The following HMCN1 variants were observed in gnomAD, a reference collection of about 807,000 sequenced individuals.
HMCN1 encodes hemicentin 1.
HMCN1 carries 321 observed loss-of-function variants against 625.9 expected under a neutral mutation model. That is an observed-to-expected ratio of 0.51 (90% confidence interval 0.47 to 0.56). HMCN1 has a LOEUF of 0.56. HMCN1 is among the 20% of genes least tolerant of loss of function. The probability of loss-of-function intolerance (pLI) is 0.00; values close to 1 mark genes in which losing one functional copy is unlikely to be tolerated. For missense variants in HMCN1, 6,588 were observed against 6,887.3 expected (o/e 0.96, Z 1.54); for synonymous variants, 2,425 against 2,417.6 (o/e 1.00, Z -0.09).
chr1:186,013,399 T>A (rs1654126309), intron 30 of HMCN1, among the ~76,000 whole-genome samples: 1 of 152,300 alleles, frequency 6.6e-6, no homozygotes, highest in South Asian at 2.1e-4. Context: ...GAGATAAAAA[T>A]GATTCTATCG....
At chr1:186,130,169 A>C (rs1443173639) in intron 84 of HMCN1, 69 bp downstream of exon 84, 2 of 1,592,972 alleles carry the variant, frequency 1.3e-6, no homozygotes, top group Non-Finnish European at 1.7e-6. Flanking sequence ...TTGCTTCTTT[A>C]TTTTATGGTA....
intron 36 of HMCN1, among the ~76,000 whole-genome samples, chr1:186,029,014 G>A (rs1655243836): frequency 6.6e-6 from 1 of 151,954 alleles, no homozygotes; most frequent in African/African-American, 2.4e-5. Context: ...TTACAGGGGC[G>A]AGCCACTGTG....
chr1:186,168,903 T>TC (rs1023445725), intron 100 of HMCN1, among the ~76,000 whole-genome samples: 3 of 152,086 alleles, frequency 2.0e-5, no homozygotes, highest in African/African-American at 7.2e-5. Flanking sequence ...CCTAATGCTA[T>TC]CCCTCCCCTA....
At chr1:185,917,844 C>T (rs978092988) in intron 6 of HMCN1, among the ~76,000 whole-genome samples, 7 of 152,094 alleles carry the variant, frequency 4.6e-5, no homozygotes, top group Non-Finnish European at 8.8e-5. Context: ...AGTAATTTTC[C>T]GCTGGAGCTC....
intron 10 of HMCN1, among the ~76,000 whole-genome samples, chr1:185,931,344 C>G (rs750237871): frequency 2.6e-5 from 4 of 152,148 alleles, no homozygotes; most frequent in Admixed American, 6.6e-5. Flanking sequence ...TTCTGATAAT[C>G]TGTAATCTTG....
intron 85 of HMCN1, 107 bp from the exon 86 acceptor site, chr1:186,132,221 T>G: frequency 1.3e-6 from 1 of 786,472 alleles, no homozygotes; most frequent in Non-Finnish European, 2.2e-6. Context: ...TCCATTAAAA[T>G]TCCTTCTCAA....
Position 185,989,613 on chromosome 1 carries a change from C to G in HMCN1, c.3174C>G (p.Gly1058=), listed in dbSNP as rs1274979332. Residue 1058 remains glycine (G), a synonymous_variant, in exon 21 of 107, where the codon GGC becomes GGG. Coordinates refer to ENST00000271588, the MANE Select transcript of HMCN1 (RefSeq NM_031935.3). ...EYVCTATNTA[G]YAKRKVQLTV... is the part of the protein sequence containing the mutation. Reference sequence around the variant, plus strand: ...TCTGCACTGCCACCAATACAGCCGGCTACGCCAAAAGGAAAGTGCAGCTAA... The same window carrying G: ...TCTGCACTGCCACCAATACAGCCGGGTACGCCAAAAGGAAAGTGCAGCTAA... 2 of 1,613,860 alleles carry G rather than the reference C, an allele frequency of 1.2e-6. No individual in the cohort carries two copies. The highest frequency in any genetic ancestry group is 2.7e-5 in the African/African-American group (2 of 74,906).
chr1:185,875,642 T>C (rs977070022), intron 4 of HMCN1, among the ~76,000 whole-genome samples: 1 of 152,036 alleles, frequency 6.6e-6, no homozygotes, highest in African/African-American at 2.4e-5. Flanking sequence ...CCTCTTGCCC[T>C]GAGCATCTGT....
At chr1:186,059,954 C>A (rs10911809) in intron 46 of HMCN1, among the ~76,000 whole-genome samples, 8,516 of 152,058 alleles carry the variant, frequency 0.056, 834 homozygotes, top group African/African-American at 0.19. Context: ...TGCTTTAATA[C>A]CTCTCAACTG....
At position 186,065,479 on chromosome 1, in the gene HMCN1, G is replaced by A. The variant is rs756757696; in HGVS notation, c.7705+50G>A. The A allele has an allele frequency of 2.9e-6, 4 of 1,386,832 alleles. No homozygotes were observed. In the African/African-American group the frequency reaches 4.4e-5, roughly 15 times the overall value. The allele number at this position is 1,386,832 out of a possible 1,614,324, so 85.9% of individuals were successfully genotyped here. On this transcript the variant is annotated intron_variant, in intron 49 of 106. Transcript: ENST00000271588. Reference sequence around the variant, plus strand: ...CTTAAAGAATCTGACATGACTGTAGGCTAAATTTTCTTTTCTTTTTCTGTT... The same window carrying A: ...CTTAAAGAATCTGACATGACTGTAGACTAAATTTTCTTTTCTTTTTCTGTT...
chr1:185,792,813 C>T lies in HMCN1; in HGVS notation c.269-53213C>T, dbSNP rs543632113. On this transcript the variant is annotated intron_variant, in intron 1 of 106. Coordinates refer to ENST00000271588, the MANE Select transcript of HMCN1 (RefSeq NM_031935.3). ...CATCTACCAATTACTGGTAGGTCTA[C>T]GATCACCCCCATGTGTTACAGCAAA... Among the ~76,000 whole-genome samples, 9 of 152,188 alleles carry T rather than the reference C, an allele frequency of 5.9e-5. No individual in the cohort carries two copies. The East Asian group carries it at 9.7e-4, about 16-fold the overall frequency.
intron 22 of HMCN1, 93 bp from the exon 23 acceptor site, chr1:185,993,089 T>C (rs370241885): frequency 2.4e-6 from 3 of 1,256,824 alleles, no homozygotes; most frequent in East Asian, 2.3e-5. Flanking sequence ...AAAAACTACT[T>C]GCAGAGTAGT....
chr1:185,897,788 TTC>T (rs1335156584), intron 4 of HMCN1, among the ~76,000 whole-genome samples: 2 of 152,158 alleles, frequency 1.3e-5, no homozygotes, highest in Admixed American at 1.3e-4. Context: ...CCAAAGGATG[TTC>T]TCTCTCCTAT....
At position 186,130,102 on chromosome 1, in the gene HMCN1, T is replaced by G. The variant is rs200047924; in HGVS notation, c.13039+2T>G. ...CAATTGGATTTGTTTATGTGAAAGGTAGGGAAAAGCGCTCCATTTTTAATT... is the reference window on the plus strand; with the variant it reads ...CAATTGGATTTGTTTATGTGAAAGGGAGGGAAAAGCGCTCCATTTTTAATT... On this transcript the variant is annotated splice_donor_variant, in intron 84 of 106. Transcript: ENST00000271588. LOFTEE classifies it high-confidence loss of function. 2.4e-5 allele frequency: 38 copies of G among 1,612,922 alleles called. No individual in the cohort carries two copies. The highest frequency in any genetic ancestry group is 3.1e-5 in the Non-Finnish European group (37 of 1,179,262).
intron 61 of HMCN1, 56 bp downstream of exon 61, chr1:186,088,069 G>A (rs1643918874): frequency 1.1e-5 from 17 of 1,610,806 alleles, no homozygotes; most frequent in Non-Finnish European, 1.4e-5. Flanking sequence ...AATGAAAAAA[G>A]TGTTCCAAAT....
intron 1 of HMCN1, among the ~76,000 whole-genome samples, chr1:185,763,127 G>A (rs1655621230): frequency 1.3e-5 from 2 of 152,162 alleles, no homozygotes; most frequent in Non-Finnish European, 2.9e-5. Context: ...AATTGATCAT[G>A]CCTGGAGAGA....
intron 1 of HMCN1, among the ~76,000 whole-genome samples, chr1:185,831,655 T>C (rs1352369147): frequency 6.6e-6 from 1 of 151,780 alleles, no homozygotes; most frequent in Non-Finnish European, 1.5e-5. Context: ...TTCAGTAGAG[T>C]AGTGAATGAA....
chr1:185,869,986 A>C (rs1471047461), intron 4 of HMCN1, among the ~76,000 whole-genome samples: 1 of 149,754 alleles, frequency 6.7e-6, no homozygotes, highest in Admixed American at 6.7e-5. Context: ...ATATAAACTC[A>C]CTCTTGAGTT....
rs568440578 is a variant in HMCN1 at position 185,785,143 on chromosome 1, T to A, written c.268+50096T>A. Among the ~76,000 whole-genome samples, 10 of 152,336 alleles carry A rather than the reference T, an allele frequency of 6.6e-5. No homozygotes were observed. In the East Asian group the frequency reaches 1.9e-3, roughly 29 times the overall value. ...ATGGACATTCTTGTACAAATCTTTT[T>A]GGGGGTGTGTTTTCATTTCTCTTGG... On this transcript the variant is annotated intron_variant, in intron 1 of 106. Coordinates refer to ENST00000271588, the MANE Select transcript of HMCN1 (RefSeq NM_031935.3).
Sources: gnomAD v4.1 joint callset for allele counts (sites outside exome capture counted in the v4.1 genomes callset) on GRCh38, gnomAD v4.1.1 for gene constraint, MANE v1.5 for transcripts, NCBI Gene and HGNC (gene_info 2026-07-23, HGNC 2026-07-21) for gene names.